PLAU: variants seen among roughly 807,000 people sequenced by gnomAD.
PLAU encodes the protein urokinase-type plasminogen activator.
A neutral mutation model predicts 48.9 loss-of-function variants in PLAU; 32 were observed. That is an observed-to-expected ratio of 0.65 (90% CI 0.49 to 0.88). The LOEUF is 0.88. Ranked by LOEUF, PLAU falls within the 40% of genes least tolerant of loss-of-function variation. The pLI, the probability that PLAU is intolerant of heterozygous loss-of-function variation, is 0.00. For synonymous variants in PLAU, 199 were observed against 205.7 expected, an observed-to-expected ratio of 0.97 and a Z score of 0.28; for missense variants, 455 against 545.2, an observed-to-expected ratio of 0.83 and a Z score of 1.65.
At chr10:73,914,658 C>G (rs2096132449) in intron 8 of PLAU, 118 bp from the exon 9 acceptor site, 6 of 947,254 alleles carry the variant, frequency 6.3e-6, no homozygotes, top group Non-Finnish European at 3.1e-6. Flanking sequence ...ACCAGCAGAC[C>G]TCCCTGGATG....
intron 1 of PLAU, 89 bp downstream of exon 1, chr10:73,911,307 G>A: frequency 1.7e-6 from 1 of 591,164 alleles, no homozygotes; most frequent in South Asian, 2.0e-5. Context: ...GGCTGCCCGG[G>A]CTCCCTGGGC....
chr10:73,914,931 C>G lies in PLAU; in HGVS notation c.970+15C>G. On this transcript the variant is annotated intron_variant, in intron 9 of 10. Transcript: ENST00000372764. ...AGAGAATTCTAGTAAGTGACAATTGCGACTGACTTAGAAGGTCCTGAGGAG... is the reference window on the plus strand; with the variant it reads ...AGAGAATTCTAGTAAGTGACAATTGGGACTGACTTAGAAGGTCCTGAGGAG... 5 of 1,612,660 alleles carry G rather than the reference C, an allele frequency of 3.1e-6. No individual in the cohort carries two copies. The highest frequency in any genetic ancestry group is 4.2e-6 in the Non-Finnish European group (5 of 1,179,020).
chr10:73,915,488 T>A, intron 10 of PLAU, 89 bp downstream of exon 10: 1 of 1,283,586 alleles, frequency 7.8e-7, no homozygotes, highest in African/African-American at 1.5e-5. Context: ...TGTCTCTCTC[T>A]AGCCAAAGCC....
At chr10:73,913,877 C>T in intron 7 of PLAU, 103 bp from the exon 8 acceptor site, 1 of 1,397,194 alleles carries the variant, frequency 7.2e-7, no homozygotes, top group Non-Finnish European at 1.0e-6. Flanking sequence ...CCATGCAGCC[C>T]ATGGCCTTGG....
rs2136193203 is a variant in PLAU at position 73,916,877 on chromosome 10, G to A, written c.*312G>A. 1 of 282,070 alleles carries A rather than the reference G, an allele frequency of 3.5e-6. No individual in the cohort carries two copies. Among genetic ancestry groups the A allele is most frequent in the Non-Finnish European group, 6.7e-6 (1 of 149,250 alleles). 17.5% of individuals were successfully genotyped at this position (282,070 alleles called of 1,614,324 possible). The stretch of plus-strand genomic sequence containing the variant: ...AGGGCAGGGCATCTCCTGTGCATGG[G>A]TGAAGGGAGAGCCAGCTCCCCCGAC... On this transcript the variant is annotated 3_prime_UTR_variant, in exon 11 of 11. Coordinates refer to ENST00000372764, the MANE Select transcript of PLAU (RefSeq NM_002658.6).
intron 9 of PLAU, 135 bp downstream of exon 9, chr10:73,915,051 G>A: frequency 8.4e-6 from 9 of 1,074,024 alleles, no homozygotes; most frequent in Non-Finnish European, 1.2e-5. Flanking sequence ...TCCAGGGATG[G>A]ATGAAGAGTG....
upstream of PLAU, chr10:73,909,292 G>C (rs906485539): frequency 1.3e-5 from 2 of 152,122 alleles, no homozygotes; most frequent in Admixed American, 1.3e-4. Context: ...TGGGAGTTTC[G>C]GGGTAAGTCC....
At chr10:73,915,476 G>C (rs1306339031) in intron 10 of PLAU, 77 bp downstream of exon 10, 14 of 1,405,308 alleles carry the variant, frequency 1.0e-5, no homozygotes, top group Non-Finnish European at 1.3e-5. Flanking sequence ...CCAGCTTAAG[G>C]GTGTCTCTCT....
intron 2 of PLAU, 34 bp from the exon 3 acceptor site, chr10:73,912,007 C>T: frequency 6.2e-7 from 1 of 1,614,036 alleles, no homozygotes; most frequent in East Asian, 2.2e-5. Flanking sequence ...GAGCATGGGA[C>T]CTTTGATGAA....
chr10:73,913,186 T>C, intron 5 of PLAU, 88 bp downstream of exon 5: 2 of 1,574,440 alleles, frequency 1.3e-6, no homozygotes, highest in East Asian at 4.5e-5. Context: ...GGGCTGGCCA[T>C]AGCACAAGAG....
At chr10:73,914,199 G>T in intron 8 of PLAU, 71 bp downstream of exon 8, 1 of 1,555,184 alleles carries the variant, frequency 6.4e-7, no homozygotes, top group Non-Finnish European at 8.8e-7. Flanking sequence ...AGAGACTGGA[G>T]CTGAGGTTGA....
At chr10:73,911,796 G>A in intron 2 of PLAU, 184 bp downstream of exon 2, 1 of 1,551,804 alleles carries the variant, frequency 6.4e-7, no homozygotes, top group Non-Finnish European at 8.7e-7. Flanking sequence ...GCACTGGCTG[G>A]CAAGGGAGGA....
chr10:73,911,239 A>AT (rs2096123189), intron 1 of PLAU, 21 bp downstream of exon 1: 2 of 435,312 alleles, frequency 4.6e-6, no homozygotes, highest in South Asian at 2.6e-5. Flanking sequence ...CGGTCCTGAG[A>AT]TCCCCGGGCC....
intron 7 of PLAU, 21 bp from the exon 8 acceptor site, chr10:73,913,959 G>T: frequency 6.2e-7 from 1 of 1,610,572 alleles, no homozygotes; most frequent in South Asian, 1.1e-5. Context: ...TAAGCTGTTT[G>T]ATGGGTATCT....
rs2096126415 is a variant in PLAU, at chr10:73,912,454, A to AAC, written c.193+143_193+144dup. ...TCTTCATCCCTATGTGACAAGCATA[A>AAC]ACACACACACACGCTCACGAAACAG... On this transcript the variant is annotated intron_variant, in intron 4 of 10. Transcript: ENST00000372764. 8 of 689,010 alleles carry AAC rather than the reference A, an allele frequency of 1.2e-5. No individual in the cohort carries two copies. The East Asian group carries it at 1.9e-4, about 16-fold the overall frequency. 42.7% of individuals were successfully genotyped at this position (689,010 alleles called of 1,614,324 possible). A position where few individuals can be genotyped will look rare whatever the true frequency, so the allele number is the denominator to read the frequency against.
rs770858054 is a variant in PLAU, at chr10:73,913,971, C to A, written c.681-9C>A. 16 of 1,612,882 alleles carry A rather than the reference C, an allele frequency of 9.9e-6. No homozygotes were observed. In the South Asian group the frequency reaches 1.8e-4, roughly 18 times the overall value. Reference sequence around the variant, plus strand: ...GACTAAGCTGTTTGATGGGTATCTTCTCCCACAGTGATTACCCAAAGAAGG... The same window carrying A: ...GACTAAGCTGTTTGATGGGTATCTTATCCCACAGTGATTACCCAAAGAAGG... On this transcript the variant is annotated splice_polypyrimidine_tract_variant and intron_variant, in intron 7 of 10. Transcript: ENST00000372764.
At chr10:73,914,444 G>A (rs1291184666) in intron 8 of PLAU, among the ~76,000 whole-genome samples, 1 of 152,212 alleles carries the variant, frequency 6.6e-6, no homozygotes, top group African/African-American at 2.4e-5. Flanking sequence ...TTCCTTTGTG[G>A]GATGCAGCCT....
chr10:73,911,262 GCCCCAGCTCCCGAGCGTCTGCCTC>G (rs1260229190), intron 1 of PLAU, 44 bp downstream of exon 1: 2 of 485,092 alleles, frequency 4.1e-6, no homozygotes, highest in East Asian at 8.0e-5. Context: ...ATGCGCGGCG[GCCCCAGCTCCCGAGCGTCTGCCTC>G]CCCCGCCCTG....
intron 10 of PLAU, 43 bp from the exon 11 acceptor site, chr10:73,916,346 C>G (rs2136192408): frequency 6.3e-7 from 1 of 1,575,810 alleles, no homozygotes; most frequent in East Asian, 2.3e-5. Flanking sequence ...AAATCCCCTC[C>G]TCACTTCTCT....
Sources: gnomAD v4.1 joint callset for allele counts (sites outside exome capture counted in the v4.1 genomes callset) on GRCh38, gnomAD v4.1.1 for gene constraint, MANE v1.5 for transcripts, NCBI Gene and HGNC (gene_info 2026-07-23, HGNC 2026-07-21) for gene names.